Variants in ZSCAN5A observed in about 807,000 individuals in gnomAD.
ZSCAN5A encodes the protein zinc finger and SCAN domain-containing protein 5A.
A neutral mutation model predicts 23.7 loss-of-function variants in ZSCAN5A; 12 were observed. That is an observed-to-expected ratio of 0.51 (90% CI 0.32 to 0.82). The LOEUF (loss-of-function observed/expected upper bound fraction) is 0.82. Ranked by LOEUF, ZSCAN5A falls within the 40% of genes least tolerant of loss-of-function variation. The pLI is 0.03. For missense variants in ZSCAN5A, 597 were observed against 617.9 expected (o/e 0.97, Z 0.36); for synonymous variants, 257 against 239.9 (o/e 1.07, Z -0.66).
chr19:56,322,193 A>G (rs994911821), intron 2 of ZSCAN5A: 2 of 833,542 alleles, frequency 2.4e-6, no homozygotes, highest in Non-Finnish European at 4.3e-6. Context: ...TGCTGCTTCA[A>G]CATAGACCAG....
At chr19:56,256,227 C>G (rs1256399773) in intron 2 of ZSCAN5A, among the ~76,000 whole-genome samples, 1 of 152,194 alleles carries the variant, frequency 6.6e-6, no homozygotes, top group Admixed American at 6.5e-5. Context: ...GGGTCTTACT[C>G]TGTTGCCCAG....
intron 2 of ZSCAN5A, among the ~76,000 whole-genome samples, chr19:56,271,308 G>A (rs1392481708): frequency 3.3e-5 from 5 of 152,184 alleles, no homozygotes; most frequent in African/African-American, 1.2e-4. Context: ...CTGCCTTTGA[G>A]TCTGTGCCAA....
intron 2 of ZSCAN5A, among the ~76,000 whole-genome samples, chr19:56,275,397 C>T (rs559204773): frequency 1.3e-5 from 2 of 152,146 alleles, no homozygotes; most frequent in East Asian, 3.9e-4. Flanking sequence ...TTTATTTATT[C>T]AAGTACTGTA....
At chr19:56,244,635 A>AATGCTCAGGAC (rs370573047) in intron 2 of ZSCAN5A, among the ~76,000 whole-genome samples, 2,651 of 147,530 alleles carry the variant, frequency 0.018, 93 homozygotes, top group African/African-American at 0.064. Context: ...AGCATTCTCT[A>AATGCTCAGGAC]ATGCTCAGGA....
intron 2 of ZSCAN5A, among the ~76,000 whole-genome samples, chr19:56,278,172 A>C (rs570574125): frequency 6.6e-6 from 1 of 151,742 alleles, no homozygotes; most frequent in South Asian, 2.1e-4. Context: ...CCCAGGCTGG[A>C]ATACAGTGGC....
At chr19:56,333,918 A>G (rs2041512444) in intron 2 of ZSCAN5A, among the ~76,000 whole-genome samples, 1 of 152,126 alleles carries the variant, frequency 6.6e-6, no homozygotes, top group South Asian at 2.1e-4. Context: ...TAGGAATGCC[A>G]ACATCTCCAG....
chr19:56,303,518 G>C (rs779848932), intron 2 of ZSCAN5A, among the ~76,000 whole-genome samples: 1 of 148,576 alleles, frequency 6.7e-6, no homozygotes, highest in African/African-American at 2.5e-5. Flanking sequence ...GGAAAGGAGG[G>C]AGGGAGGGAG....
intron 2 of ZSCAN5A, among the ~76,000 whole-genome samples, chr19:56,336,776 TTC>T (rs2041541669): frequency 6.6e-6 from 1 of 152,188 alleles, no homozygotes; most frequent in Admixed American, 6.5e-5. Flanking sequence ...TGGATGTCCT[TTC>T]TGTTTGTTAG....
chr19:56,249,236 C>T (rs183809176), intron 2 of ZSCAN5A, among the ~76,000 whole-genome samples: 1 of 152,276 alleles, frequency 6.6e-6, no homozygotes, highest in Non-Finnish European at 1.5e-5. Flanking sequence ...TTTAGTAGAT[C>T]AGGGGTGTGG....
chr19:56,325,223 C>T (rs2041421760), intron 2 of ZSCAN5A, among the ~76,000 whole-genome samples: 1 of 152,152 alleles, frequency 6.6e-6, no homozygotes, highest in African/African-American at 2.4e-5. Flanking sequence ...TCTACATTGC[C>T]ATTTACGTGG....
intron 2 of ZSCAN5A, among the ~76,000 whole-genome samples, chr19:56,329,297 C>T (rs1038686459): frequency 6.6e-6 from 1 of 151,790 alleles, no homozygotes; most frequent in Admixed American, 6.6e-5. Context: ...TGCAGTGAGC[C>T]GAGATCGTGT....
Position 56,352,973 on chromosome 19 carries a change from G to T in ZSCAN5A, c.-358+10262C>A, listed in dbSNP as rs1346698558. On this transcript the variant is annotated intron_variant, in intron 2 of 6. Transcript: ENST00000587340. The surrounding 1 kb of genome is among the most constrained non-coding windows in gnomAD (Gnocchi z 4.2). Reference sequence around the variant, plus strand: ...TTTTCAGGGGGAAGAGGGCTGTCCTGTGCATTGTAGGATGTTTAGCTGCAT... The same window carrying T: ...TTTTCAGGGGGAAGAGGGCTGTCCTTTGCATTGTAGGATGTTTAGCTGCAT... Among the ~76,000 whole-genome samples, 2 of 152,196 alleles carry T rather than the reference G, an allele frequency of 1.3e-5. No individual in the cohort carries two copies. The highest frequency in any genetic ancestry group is 4.8e-5 in the African/African-American group (2 of 41,452).
At chr19:56,295,674 GC>G (rs1449013899) in intron 2 of ZSCAN5A, among the ~76,000 whole-genome samples, 3 of 152,148 alleles carry the variant, frequency 2.0e-5, no homozygotes, top group Admixed American at 1.3e-4. Flanking sequence ...GCCTAACCTT[GC>G]TGCGGTGCAA....
chr19:56,265,640 T>A (rs2037422072), intron 2 of ZSCAN5A, among the ~76,000 whole-genome samples: 1 of 151,206 alleles, frequency 6.6e-6, no homozygotes, highest in Non-Finnish European at 1.5e-5. Context: ...AGGGGTGGAG[T>A]TCAAAGGATT....
At chr19:56,322,850 A>ATC (rs1261001854) in intron 2 of ZSCAN5A, among the ~76,000 whole-genome samples, 12 of 151,202 alleles carry the variant, frequency 7.9e-5, no homozygotes, top group African/African-American at 2.9e-4. Flanking sequence ...AATAGTTGTT[A>ATC]GACTCTCTTG....
At chr19:56,349,451 C>T (rs890935943) in intron 2 of ZSCAN5A, among the ~76,000 whole-genome samples, 2 of 152,096 alleles carry the variant, frequency 1.3e-5, no homozygotes, top group Non-Finnish European at 2.9e-5. Context: ...AATCCCAGCA[C>T]TTTGGGAGGC....
chr19:56,323,421 G>A (rs183313524), intron 2 of ZSCAN5A, among the ~76,000 whole-genome samples: 2 of 151,972 alleles, frequency 1.3e-5, no homozygotes, highest in African/African-American at 2.4e-5. Flanking sequence ...TGATCCTTCT[G>A]CCTTGGCCTG....
intron 2 of ZSCAN5A, among the ~76,000 whole-genome samples, chr19:56,231,991 C>CTTTCCTTTTTT: frequency 2.9e-5 from 1 of 34,340 alleles, no homozygotes; most frequent in South Asian, 8.1e-4. Flanking sequence ...TTCTTTTTTT[C>CTTTCCTTTTTT]TTTTCTTTTT....
At chr19:56,340,819 G>C (rs189632106) in intron 2 of ZSCAN5A, 1 of 152,210 alleles carries the variant, frequency 6.6e-6, no homozygotes, top group African/African-American at 2.4e-5. Flanking sequence ...TTGTGCTTGA[G>C]AGTTGAAAAT....
Sources: allele counts gnomAD v4.1 joint callset (sites outside exome capture counted in the v4.1 genomes callset), GRCh38; gene constraint gnomAD v4.1.1; non-coding constraint Gnocchi (gnomAD v3.1); transcripts MANE v1.5; gene names NCBI Gene and HGNC (gene_info 2026-07-23, HGNC 2026-07-21).